SPECC1: variants seen among roughly 807,000 people sequenced by gnomAD.
SPECC1 encodes cytospin-B.
In SPECC1, 62 loss-of-function variants were observed where a neutral mutation model predicts 104.1. The ratio of observed to expected loss-of-function variants is 0.60; its 90% CI spans 0.49 to 0.74. SPECC1 has a LOEUF of 0.74. SPECC1 is among the 30% of genes least tolerant of loss of function. SPECC1 has a pLI of 0.00. For synonymous variants in SPECC1, 513 were observed against 501.6 expected (o/e 1.02, Z -0.30); for missense variants, 1,306 against 1,310.5 (o/e 1.00, Z 0.05).
intron 12 of SPECC1, among the ~76,000 whole-genome samples, chr17:20,270,081 A>T (rs1255518265): frequency 6.6e-6 from 1 of 152,104 alleles, no homozygotes; most frequent in Admixed American, 6.5e-5. Context: ...CAGAAAGCAG[A>T]TGAGCGGTTG....
chr17:20,205,618 A>G lies in SPECC1; in HGVS notation c.1569A>G (p.Leu523=), dbSNP rs2036724471. The G allele has an allele frequency of 9.9e-6, 16 of 1,614,096 alleles. No individual in the cohort carries two copies. Among genetic ancestry groups the G allele is most frequent in the Non-Finnish European group, 1.3e-5 (15 of 1,180,046 alleles). ...AAAATGAAAAACTGAATGAGTTTCT[A>G]GAACTGGAACGGCATAATAATAACA... ...KEENEKLNEF[L]ELERHNNNMM... is the part of the protein sequence containing the mutation. Residue 523 remains leucine (L), a synonymous_variant, in exon 4 of 15, where the codon CTA becomes CTG. Coordinates refer to ENST00000395527, the MANE Select transcript of SPECC1 (RefSeq NM_001243439.2).
At chr17:20,055,134 C>G (rs1051365287) in intron 1 of SPECC1, among the ~76,000 whole-genome samples, 1 of 152,130 alleles carries the variant, frequency 6.6e-6, no homozygotes, top group African/African-American at 2.4e-5. Context: ...CTCTTTGATT[C>G]TATGAATTTG....
At chr17:20,183,308 A>G (rs556523503) in intron 3 of SPECC1, among the ~76,000 whole-genome samples, 42 of 152,332 alleles carry the variant, frequency 2.8e-4, no homozygotes, top group African/African-American at 8.9e-4. Flanking sequence ...CAATCCGGCA[A>G]TAATTTTGAG....
At position 20,246,064 on chromosome 17, in the gene SPECC1, A is replaced by G; in HGVS notation, c.2490A>G (p.Gly830=). ...CACTTATCAAGTCATTTGACTTGGG[A>G]CGCCCAGGTATTTAATCATTTTTTC... ...VKSLIKSFDL[G]RPGGAGQNIS... Residue 830 remains glycine (G), a synonymous_variant, in exon 8 of 15, where the codon GGA becomes GGG. Coordinates refer to ENST00000395527, the MANE Select transcript of SPECC1 (RefSeq NM_001243439.2). 6.2e-7 allele frequency: 1 copy of G among 1,613,938 alleles called. No individual in the cohort carries two copies.
At chr17:20,072,434 G>A (rs1318910029) in intron 1 of SPECC1, among the ~76,000 whole-genome samples, 1 of 152,220 alleles carries the variant, frequency 6.6e-6, no homozygotes, top group Admixed American at 6.5e-5. Flanking sequence ...TCACCCAGAT[G>A]AGTTAGGACC....
Position 20,317,735 on chromosome 17 carries a change from CAAAA to C in SPECC1, c.*3675_*3678del, listed in dbSNP as rs976928370. On this transcript the variant is annotated 3_prime_UTR_variant, in exon 15 of 15. Transcript: ENST00000395527. The stretch of plus-strand genomic sequence containing the variant: ...AGCAAGACCCTGTCACACACACACA[CAAAA>C]AAAAGAAATACAGGTGGTGTTTTGG... The C allele has an allele frequency of 2.3e-4, 49 of 216,054 alleles. No individual in the cohort carries two copies. In the East Asian group the frequency reaches 3.1e-3, roughly 14 times the overall value. 13.4% of individuals were successfully genotyped at this position (216,054 alleles called of 1,614,324 possible).
intron 7 of SPECC1, among the ~76,000 whole-genome samples, chr17:20,234,956 G>A (rs1335477311): frequency 6.6e-6 from 1 of 152,256 alleles, no homozygotes; most frequent in African/African-American, 2.4e-5. Flanking sequence ...GTTAAGGTAT[G>A]TGGGGAAGGA....
intron 9 of SPECC1, among the ~76,000 whole-genome samples, chr17:20,249,437 C>CA (rs1221177081): frequency 6.6e-6 from 1 of 151,710 alleles, no homozygotes; most frequent in African/African-American, 2.4e-5. Context: ...TAAAATAAAA[C>CA]AAAAAACCAG....
chr17:20,166,459 T>C (rs755654188), intron 3 of SPECC1, among the ~76,000 whole-genome samples: 13 of 152,224 alleles, frequency 8.5e-5, no homozygotes, highest in Non-Finnish European at 1.5e-4. Context: ...TAAAAACTTA[T>C]TCTATTTGGA....
In SPECC1 at chr17:20,260,227, G is replaced by T. The variant is rs201980094; in HGVS notation, c.2873G>T (p.Arg958Leu). The part of the protein sequence containing the change: ...ERKDPLAALA[R>L]EYGGSKRNAL... Reference sequence around the variant, plus strand: ...AAAGACCCTCTGGCAGCCTTGGCCCGGGAATACGGTGGTTCCAAGCGCAAT... The same window carrying T: ...AAAGACCCTCTGGCAGCCTTGGCCCTGGAATACGGTGGTTCCAAGCGCAAT... Residue 958 changes from arginine (R) to leucine (L), a missense_variant, in exon 12 of 15, where the codon CGG becomes CTG. Around this residue, in one of 2 missense-constraint regions of SPECC1, gnomAD observed 129 missense variants for 170.6 expected, o/e 0.76. Transcript: ENST00000395527. 5.0e-6 allele frequency: 8 copies of T among 1,613,730 alleles called. No individual in the cohort carries two copies. The highest frequency in any genetic ancestry group is 6.8e-6 in the Non-Finnish European group (8 of 1,179,832).
chr17:20,208,583 A>T lies in SPECC1; in HGVS notation c.1863+2671A>T, dbSNP rs190107497. On this transcript the variant is annotated intron_variant, in intron 4 of 14. Transcript: ENST00000395527. The stretch of plus-strand genomic sequence containing the variant: ...TATGATGAAGGGTCTAACATGCTGG[A>T]CTGGGTCCTCTTGACTTACCCAGTG... 3.2e-3 allele frequency among the ~76,000 whole-genome samples: 484 copies of T among 152,338 alleles called. 5 individuals are homozygous for T. The highest frequency in any genetic ancestry group is 0.011 in the African/African-American group (456 of 41,582).
intron 3 of SPECC1, among the ~76,000 whole-genome samples, chr17:20,171,064 A>G (rs2034051746): frequency 6.6e-6 from 1 of 152,194 alleles, no homozygotes; most frequent in Non-Finnish European, 1.5e-5. Flanking sequence ...AGTGGTAAAA[A>G]ACTGTTATGA....
intron 2 of SPECC1, among the ~76,000 whole-genome samples, chr17:20,099,576 T>G (rs2047828028): frequency 6.9e-6 from 1 of 145,128 alleles, no homozygotes; most frequent in African/African-American, 2.6e-5. Flanking sequence ...AGTCCTGTAG[T>G]CCCAGCTACT....
chr17:20,112,076 A>T, intron 3 of SPECC1: 1 of 766,576 alleles, frequency 1.3e-6, no homozygotes, highest in Non-Finnish European at 2.4e-6. Context: ...GATTGTCAGG[A>T]TTCCACATAG....
rs527726340 is a variant in SPECC1 at position 20,141,012 on chromosome 17, G to A, written c.283+30450G>A. On this transcript the variant is annotated intron_variant, in intron 3 of 14. Transcript: ENST00000395527. The stretch of plus-strand genomic sequence containing the variant: ...GTGAACAACGACGGGGCCTGCTGCC[G>A]GGGCCTTGCTTGTCTAGGCTGTGCA... 2.8e-4 allele frequency among the ~76,000 whole-genome samples: 42 copies of A among 152,262 alleles called. No homozygotes were observed. The East Asian group carries it at 6.6e-3, about 24-fold the overall frequency.
intron 1 of SPECC1, among the ~76,000 whole-genome samples, chr17:20,071,883 T>C (rs558216209): frequency 6.6e-6 from 1 of 152,348 alleles, no homozygotes; most frequent in East Asian, 1.9e-4. Context: ...ATTTACAGTC[T>C]AATGAGGGAA....
At position 20,227,446 on chromosome 17, in the gene SPECC1, T is replaced by C. The variant is rs151234509; in HGVS notation, c.1897T>C (p.Cys633Arg). The stretch of plus-strand genomic sequence containing the variant: ...GGATTATTCATACCTGAAGGAGATA[T>C]GTGATCACCAAGCCGAACAGCTGAG... ...EKDYSYLKEI[C>R]DHQAEQLSRT... The change falls in exon 5 of 15, where the codon TGT becomes CGT. Residue 633 changes from cysteine (C) to arginine (R), a missense_variant. By Grantham distance (180) the Cys-to-Arg change is radical. Coordinates refer to ENST00000395527, the MANE Select transcript of SPECC1 (RefSeq NM_001243439.2). 8.1e-6 allele frequency: 13 copies of C among 1,613,324 alleles called. No individual in the cohort carries two copies. Among genetic ancestry groups the C allele is most frequent in the South Asian group, 3.3e-5 (3 of 91,000 alleles).
intron 1 of SPECC1, among the ~76,000 whole-genome samples, chr17:20,021,823 A>C (rs2152434193): frequency 6.8e-6 from 1 of 147,990 alleles, no homozygotes; most frequent in African/African-American, 2.4e-5. Context: ...GGCGTGAGCC[A>C]CTGCACCCGG....
intron 3 of SPECC1, among the ~76,000 whole-genome samples, chr17:20,186,312 A>G: frequency 6.6e-6 from 1 of 152,060 alleles, no homozygotes; most frequent in East Asian, 1.9e-4. Flanking sequence ...GTGCAATAGC[A>G]TTACATCTTA....
Sources: allele counts gnomAD v4.1 joint callset (sites outside exome capture counted in the v4.1 genomes callset), GRCh38; gene constraint gnomAD v4.1.1; regional missense constraint gnomAD v4.1.1; transcripts MANE v1.5; gene names NCBI Gene and HGNC (gene_info 2026-07-23, HGNC 2026-07-21).